The following DNAH11 variants were observed in gnomAD, a reference collection of about 807,000 sequenced individuals.
DNAH11 encodes the protein dynein axonemal heavy chain 11, also known as axonemal beta dynein heavy chain 11.
DNAH11 carries 442 observed loss-of-function variants against 526.0 expected under a neutral mutation model. That is an observed-to-expected ratio of 0.84 (90% CI 0.78 to 0.91). The LOEUF (loss-of-function observed/expected upper bound fraction) is 0.91, where lower values mean the gene tolerates loss of function less well. Ranked by LOEUF, DNAH11 falls within the 40% of genes least tolerant of loss-of-function variation. DNAH11 has a pLI of 0.00. For missense variants in DNAH11, 6,989 were observed against 5,448.7 expected, an observed-to-expected ratio of 1.28 and a Z score of -8.90; for synonymous variants, 2,461 against 1,935.9, an observed-to-expected ratio of 1.27 and a Z score of -7.12.
At position 21,812,126 on chromosome 7, in the gene DNAH11, A is replaced by G. The variant is rs1249374112; in HGVS notation, c.10332+4077A>G. Among the ~76,000 whole-genome samples the G allele has an allele frequency of 2.6e-5, 4 of 152,186 alleles. No individual in the cohort carries two copies. The East Asian group carries it at 7.7e-4, about 29-fold the overall frequency. On this transcript the variant is annotated intron_variant, in intron 63 of 81. Transcript: ENST00000409508. ...AACATGAAAGATGTCAAGGCCAGAG[A>G]GTGGAATCATCATCTACATGGGCAC... is the stretch of plus-strand genomic sequence containing the variant.
intron 65 of DNAH11, among the ~76,000 whole-genome samples, chr7:21,832,890 C>G (rs1179100430): frequency 6.6e-6 from 1 of 152,176 alleles, no homozygotes; most frequent in African/African-American, 2.4e-5. Flanking sequence ...TTGTCAACCC[C>G]TGCTCTAGAA....
chr7:21,747,347 C>A (rs796839040), intron 51 of DNAH11, among the ~76,000 whole-genome samples: 7 of 152,186 alleles, frequency 4.6e-5, no homozygotes, highest in African/African-American at 1.7e-4. Flanking sequence ...TAAGTGATCC[C>A]AACTTAGTTT....
At chr7:21,715,799 T>A (rs1583621325) in intron 42 of DNAH11, among the ~76,000 whole-genome samples, 1 of 151,808 alleles carries the variant, frequency 6.6e-6, no homozygotes, top group Admixed American at 6.6e-5. Flanking sequence ...CCATTTTTAC[T>A]CTCTATCCTA....
At chr7:21,881,016 A>G (rs982907738) in intron 75 of DNAH11, 123 bp downstream of exon 75, 23 of 873,534 alleles carry the variant, frequency 2.6e-5, no homozygotes, top group Non-Finnish European at 3.3e-5. Flanking sequence ...GACACTATGT[A>G]TGTATCTTCT....
chr7:21,564,119 T>TA, intron 5 of DNAH11, 67 bp from the exon 6 acceptor site: 2 of 1,234,468 alleles, frequency 1.6e-6, no homozygotes, highest in Non-Finnish European at 2.2e-6. Flanking sequence ...CTTCTACATG[T>TA]AAAGTGAATT....
At position 21,880,802 on chromosome 7, in the gene DNAH11, C is replaced by T; in HGVS notation, c.12296C>T (p.Pro4099Leu). ...GTTGCTGGGAGACTGAGGTTTGGCCCCCAGGGCTGGAGCCGAAGCTATCCT... is the reference window on the plus strand; with the variant it reads ...GTTGCTGGGAGACTGAGGTTTGGCCTCCAGGGCTGGAGCCGAAGCTATCCT... The part of the protein sequence containing the change: ...ACVAGRLRFG[P>L]QGWSRSYPFN... The change falls in exon 75 of 82, where the codon CCC becomes CTC. Residue 4099 changes from proline to leucine, a missense_variant. Coordinates refer to ENST00000409508, the MANE Select transcript of DNAH11 (RefSeq NM_001277115.2). 1.2e-6 allele frequency: 2 copies of T among 1,613,958 alleles called. No individual in the cohort carries two copies. Among genetic ancestry groups the T allele is most frequent in the Non-Finnish European group, 1.7e-6 (2 of 1,179,898 alleles).
At chr7:21,560,489 CTG>C (rs1324611307) in intron 4 of DNAH11, among the ~76,000 whole-genome samples, 1 of 152,312 alleles carries the variant, frequency 6.6e-6, no homozygotes, top group Admixed American at 6.5e-5. Flanking sequence ...AGCCTTCAGT[CTG>C]TGGCCAAAGG....
chr7:21,690,064 TTGAG>T (rs1783547458), intron 34 of DNAH11, among the ~76,000 whole-genome samples: 1 of 152,242 alleles, frequency 6.6e-6, no homozygotes, highest in Non-Finnish European at 1.5e-5. Context: ...CTAACATCTC[TTGAG>T]TATTTTCCAT....
At chr7:21,819,398 A>G (rs908916807) in intron 65 of DNAH11, among the ~76,000 whole-genome samples, 5 of 152,190 alleles carry the variant, frequency 3.3e-5, no homozygotes, top group Non-Finnish European at 5.9e-5. Flanking sequence ...CTGACAACTT[A>G]TAATTGTTTA....
intron 60 of DNAH11, among the ~76,000 whole-genome samples, chr7:21,788,985 T>C (rs1006599651): frequency 6.6e-6 from 1 of 152,136 alleles, no homozygotes; most frequent in African/African-American, 2.4e-5. Flanking sequence ...CCTTTAGGTA[T>C]TACCATGTCT....
chr7:21,748,861 G>A (rs1562524665), intron 52 of DNAH11, 119 bp downstream of exon 52: 1 of 1,000,074 alleles, frequency 1.0e-6, no homozygotes, highest in Non-Finnish European at 1.4e-6. Context: ...CCCAACCACG[G>A]GAGAGCGGGA....
In DNAH11 at chr7:21,591,403, G is replaced by T; in HGVS notation, c.2493G>T (p.Gln831His). ...SELEHRVERT[Q>H]KNVKVIQQTM... ...TGGAGCACAGAGTTGAGCGCACACAGAAAAACGTGAAGGTGATCCAGCAGA... is the reference window on the plus strand; with the variant it reads ...TGGAGCACAGAGTTGAGCGCACACATAAAAACGTGAAGGTGATCCAGCAGA... The change falls in exon 14 of 82, where the codon CAG (glutamine) becomes CAT (histidine). Residue 831 changes from glutamine to histidine, a missense_variant. Transcript: ENST00000409508. 6.2e-7 allele frequency: 1 copy of T among 1,613,956 alleles called. No individual in the cohort carries two copies. Among genetic ancestry groups the T allele is most frequent in the Non-Finnish European group, 8.5e-7 (1 of 1,179,884 alleles).
At chr7:21,868,397 C>A (rs1362810509) in intron 72 of DNAH11, among the ~76,000 whole-genome samples, 1 of 152,050 alleles carries the variant, frequency 6.6e-6, no homozygotes, top group Non-Finnish European at 1.5e-5. Context: ...ACGGCCTGCA[C>A]CAAGAATACC....
intron 68 of DNAH11, among the ~76,000 whole-genome samples, chr7:21,858,925 A>G (rs540746449): frequency 7.9e-5 from 12 of 152,302 alleles, no homozygotes; most frequent in African/African-American, 2.2e-4. Context: ...GTACAGATTG[A>G]GCCTCCTAAT....
chr7:21,682,581 T>G (rs1783190745), intron 31 of DNAH11, among the ~76,000 whole-genome samples: 1 of 151,968 alleles, frequency 6.6e-6, no homozygotes, highest in Non-Finnish European at 1.5e-5. Context: ...TTGGCAGTGT[T>G]TAATGTGAAA....
intron 28 of DNAH11, among the ~76,000 whole-genome samples, chr7:21,655,245 TTA>T (rs1257205989): frequency 6.6e-6 from 1 of 152,172 alleles, no homozygotes; most frequent in Non-Finnish European, 1.5e-5. Flanking sequence ...TTACTTTTAG[TTA>T]TGTCAACTTG....
chr7:21,806,886 A>C (rs909078250), intron 62 of DNAH11, among the ~76,000 whole-genome samples: 1 of 152,164 alleles, frequency 6.6e-6, no homozygotes, highest in African/African-American at 2.4e-5. Flanking sequence ...AAGGACTTCA[A>C]CAGCATTCTT....
At chr7:21,636,956 T>C (rs10272706) in intron 26 of DNAH11, among the ~76,000 whole-genome samples, 93 of 152,248 alleles carry the variant, frequency 6.1e-4, no homozygotes, top group African/African-American at 2.2e-3. Context: ...GCACGTGGCA[T>C]GGTGCATGTA....
chr7:21,841,217 A>T (rs887478942), intron 65 of DNAH11, among the ~76,000 whole-genome samples: 2 of 152,156 alleles, frequency 1.3e-5, no homozygotes, highest in African/African-American at 4.8e-5. Flanking sequence ...TGTTTTTAAT[A>T]TTTCATCTTT....
Sources: gnomAD v4.1 joint callset for allele counts (sites outside exome capture counted in the v4.1 genomes callset) on GRCh38, gnomAD v4.1.1 for gene constraint, MANE v1.5 for transcripts, NCBI Gene and HGNC (gene_info 2026-07-23, HGNC 2026-07-21) for gene names.